Variants in ADAMTS17 observed in about 807,000 individuals in gnomAD.
ADAMTS17 encodes ADAM metallopeptidase with thrombospondin type 1 motif 17, also known as A disintegrin and metalloproteinase with thrombospondin motifs 17.
In ADAMTS17, 113 loss-of-function variants were observed where a neutral mutation model predicts 141.5. That is an observed-to-expected ratio of 0.80 (90% confidence interval 0.69 to 0.93). The LOEUF is 0.93. Among genes scored for constraint, ADAMTS17 ranks in the 40% least tolerant of loss-of-function variants. The pLI, the probability that ADAMTS17 is intolerant of heterozygous loss-of-function variation, is 0.00. For missense variants in ADAMTS17, 1,659 were observed against 1,517.9 expected (o/e 1.09, Z -1.54); for synonymous variants, 768 against 630.6 (o/e 1.22, Z -3.27).
Position 100,261,730 on chromosome 15 carries a change from C to A in ADAMTS17, c.874-94G>T. ...ACAAGGACGTTAAGGTGGAGGCAGTCACTCACTGAGACATCATTTGATGAC... is the reference window on the plus strand; with the variant it reads ...ACAAGGACGTTAAGGTGGAGGCAGTAACTCACTGAGACATCATTTGATGAC... On this transcript the variant is annotated intron_variant, in intron 5 of 21. Coordinates refer to ENST00000268070, the MANE Select transcript of ADAMTS17 (RefSeq NM_139057.4). 3 of 1,396,660 alleles carry A rather than the reference C, an allele frequency of 2.1e-6. No individual in the cohort carries two copies. The South Asian group carries it at 3.7e-5, about 17-fold the overall frequency. 86.5% of individuals were successfully genotyped at this position (1,396,660 alleles called of 1,614,324 possible). A position where few individuals can be genotyped will look rare whatever the true frequency, so the allele number is the denominator to read the frequency against.
chr15:100,313,199 C>G (rs2045458668), intron 3 of ADAMTS17, among the ~76,000 whole-genome samples: 1 of 152,120 alleles, frequency 6.6e-6, no homozygotes, highest in Non-Finnish European at 1.5e-5. Flanking sequence ...AATATCTAAA[C>G]TGAAAATAAC....
chr15:99,994,037 C>G (rs370149705), intron 19 of ADAMTS17, among the ~76,000 whole-genome samples: 11 of 152,146 alleles, frequency 7.2e-5, no homozygotes, highest in African/African-American at 2.7e-4. Context: ...ACACGCCCAC[C>G]ACAGAACTTG....
intron 19 of ADAMTS17, among the ~76,000 whole-genome samples, chr15:99,995,563 C>T (rs1295161340): frequency 6.6e-6 from 1 of 152,194 alleles, no homozygotes; most frequent in Non-Finnish European, 1.5e-5. Context: ...ACTACCTTTT[C>T]CTTCCTTCTG....
chr15:100,197,597 G>A (rs2041168240), intron 8 of ADAMTS17, among the ~76,000 whole-genome samples: 1 of 152,134 alleles, frequency 6.6e-6, no homozygotes, highest in South Asian at 2.1e-4. Context: ...TTTAAAAATA[G>A]TGTTGAGATG....
At chr15:100,097,785 G>A (rs768932870) in intron 14 of ADAMTS17, among the ~76,000 whole-genome samples, 1 of 152,204 alleles carries the variant, frequency 6.6e-6, no homozygotes, top group African/African-American at 2.4e-5. Flanking sequence ...GGGGCCATGC[G>A]ATGAGAACCG....
At chr15:100,268,124 G>A (rs926574669) in intron 4 of ADAMTS17, among the ~76,000 whole-genome samples, 19 of 94,590 alleles carry the variant, frequency 2.0e-4, no homozygotes, top group South Asian at 4.7e-4. Flanking sequence ...TGCAAAGGAC[G>A]TGAGTTGTTC....
chr15:100,182,960 A>G (rs976144638), intron 8 of ADAMTS17, among the ~76,000 whole-genome samples: 3 of 151,978 alleles, frequency 2.0e-5, no homozygotes, highest in East Asian at 1.9e-4. Context: ...CAGTGCCACA[A>G]TCTTTATCCT....
chr15:100,183,122 G>T (rs529150518), intron 8 of ADAMTS17, among the ~76,000 whole-genome samples: 12 of 152,190 alleles, frequency 7.9e-5, no homozygotes, highest in African/African-American at 2.6e-4. Context: ...CTGAGTAGCT[G>T]GGATTACAGG....
chr15:100,206,656 G>C (rs2041577893), intron 7 of ADAMTS17, among the ~76,000 whole-genome samples: 1 of 152,210 alleles, frequency 6.6e-6, no homozygotes, highest in Non-Finnish European at 1.5e-5. Flanking sequence ...AGGCTGAGAA[G>C]AAGTGTGGTA....
At chr15:100,207,557 CACG>C (rs2141692077) in intron 7 of ADAMTS17, among the ~76,000 whole-genome samples, 2 of 152,286 alleles carry the variant, frequency 1.3e-5, no homozygotes, top group East Asian at 3.9e-4. Flanking sequence ...CCTTGATGTT[CACG>C]ACATGGTTTA....
intron 10 of ADAMTS17, among the ~76,000 whole-genome samples, chr15:100,144,788 C>T (rs963119717): frequency 4.1e-5 from 6 of 147,874 alleles, no homozygotes; most frequent in Non-Finnish European, 9.1e-5. Flanking sequence ...CGATGAGAAA[C>T]GCCACCCCCG....
chr15:100,089,057 A>G (rs1003283977), intron 15 of ADAMTS17, among the ~76,000 whole-genome samples: 4 of 152,026 alleles, frequency 2.6e-5, no homozygotes, highest in Admixed American at 6.6e-5. Flanking sequence ...CAGGCAACCT[A>G]CAGAATGAGA....
At chr15:100,080,856 C>G (rs746138671) in intron 15 of ADAMTS17, among the ~76,000 whole-genome samples, 1 of 152,020 alleles carries the variant, frequency 6.6e-6, no homozygotes, top group Non-Finnish European at 1.5e-5. Context: ...TCTGGTTGTA[C>G]GAAGGATAGC....
At chr15:100,002,263 T>C (rs992641145) in intron 18 of ADAMTS17, among the ~76,000 whole-genome samples, 1 of 152,032 alleles carries the variant, frequency 6.6e-6, no homozygotes, top group African/African-American at 2.4e-5. Flanking sequence ...TTTGGCGCTA[T>C]TGTGCTGACC....
At chr15:100,319,718 G>T (rs1383230187) in intron 3 of ADAMTS17, among the ~76,000 whole-genome samples, 2 of 151,700 alleles carry the variant, frequency 1.3e-5, no homozygotes, top group Non-Finnish European at 2.9e-5. Context: ...TCGAGAAAAA[G>T]AAAAGAAATT....
chr15:100,329,303 C>T (rs2045980014), intron 3 of ADAMTS17, among the ~76,000 whole-genome samples: 1 of 152,112 alleles, frequency 6.6e-6, no homozygotes, highest in Non-Finnish European at 1.5e-5. Context: ...CTTTGGCAGG[C>T]CAAGGCGAGA....
At chr15:100,075,600 T>C (rs1383547) in intron 15 of ADAMTS17, among the ~76,000 whole-genome samples, 26,574 of 152,198 alleles carry the variant, frequency 0.17, 2,847 homozygotes, top group East Asian at 0.54. Context: ...AAAAGAGTCT[T>C]ACCTTTAATG....
intron 7 of ADAMTS17, among the ~76,000 whole-genome samples, chr15:100,236,118 C>T (rs960877828): frequency 3.9e-5 from 6 of 152,042 alleles, no homozygotes; most frequent in Admixed American, 3.3e-4. Flanking sequence ...ACGCCAGAGT[C>T]GCACAGACTC....
chr15:100,121,640 A>C (rs2037457355), intron 12 of ADAMTS17, among the ~76,000 whole-genome samples: 1 of 152,102 alleles, frequency 6.6e-6, no homozygotes, highest in Admixed American at 6.6e-5. Flanking sequence ...TTCCCAGATA[A>C]ACAAAAAATG....
Sources: gnomAD v4.1 joint callset for allele counts (sites outside exome capture counted in the v4.1 genomes callset) on GRCh38, gnomAD v4.1.1 for gene constraint, MANE v1.5 for transcripts, NCBI Gene and HGNC (gene_info 2026-07-23, HGNC 2026-07-21) for gene names.